Variants in UFL1 observed in about 807,000 individuals in gnomAD.
The protein encoded by UFL1 is E3 UFM1-protein ligase 1.
Under a neutral mutation model 99.3 loss-of-function variants are expected in UFL1, and 78 were observed. That is an observed-to-expected ratio of 0.79 (90% CI 0.65 to 0.95). UFL1 has a LOEUF of 0.95. UFL1 is among the 40% of genes least tolerant of loss of function. The pLI, the probability that UFL1 is intolerant of heterozygous loss-of-function variation, is 0.00. For missense variants in UFL1, 936 were observed against 937.0 expected (o/e 1.00, Z 0.01); for synonymous variants, 335 against 322.2 (o/e 1.04, Z -0.42).
At chr6:96,534,855 A>AT (rs58786719) in intron 7 of UFL1, among the ~76,000 whole-genome samples, 2,493 of 151,928 alleles carry the variant, frequency 0.016, 77 homozygotes, top group African/African-American at 0.057. Flanking sequence ...AAAAGCAATG[A>AT]TTTTGTCTTT....
chr6:96,537,649 G>A, intron 9 of UFL1, 100 bp downstream of exon 9: 1 of 1,178,364 alleles, frequency 8.5e-7, no homozygotes, highest in Non-Finnish European at 1.1e-6. Context: ...GGTGGTCTTG[G>A]CTTTGGAGGC....
Position 96,540,554 on chromosome 6 carries a change from T to C in UFL1, c.1178T>C (p.Val393Ala), listed in dbSNP as rs977627660. The C allele has an allele frequency of 1.2e-5, 19 of 1,605,082 alleles. No individual in the cohort carries two copies. The highest frequency in any genetic ancestry group is 1.6e-5 in the Non-Finnish European group (19 of 1,175,836). ...TTTTAGGAAATGAAAAATAATCCTG[T>C]GCATTTAATCACTGAAGAAGATCTG... Reference protein sequence around the residue: ...KAEKEMKNNPVHLITEEDLKQ... With the variant: ...KAEKEMKNNPAHLITEEDLKQ... The change falls in exon 11 of 19, where the codon GTG becomes GCG. Residue 393 changes from valine to alanine, a missense_variant. Physicochemically the swap from Val to Ala is moderately conservative, Grantham distance 64 (BLOSUM62 0). Transcript: ENST00000369278.
rs376405630 is a variant in UFL1 at position 96,542,864 on chromosome 6, T to C, written c.1280-30T>C. On this transcript the variant is annotated intron_variant, in intron 11 of 18. Coordinates refer to ENST00000369278, the MANE Select transcript of UFL1 (RefSeq NM_015323.5). Reference sequence around the variant, plus strand: ...TTATAAAAATGATGATTTAGTTAGGTAATGCTAACTAATGTCATTTTCCCA... The same window carrying C: ...TTATAAAAATGATGATTTAGTTAGGCAATGCTAACTAATGTCATTTTCCCA... The C allele has an allele frequency of 3.3e-6, 5 of 1,530,912 alleles. No homozygotes were observed. The African/African-American group carries it at 4.3e-5, about 13-fold the overall frequency. The allele number at this position is 1,530,912 out of a possible 1,614,324, so 94.8% of individuals were successfully genotyped here.
rs548167881 is a variant in UFL1 at position 96,537,384 on chromosome 6, T to C, written c.813T>C (p.Ala271=). 6.4e-7 allele frequency: 1 copy of C among 1,568,676 alleles called. No individual in the cohort carries two copies. The highest frequency in any genetic ancestry group is 1.4e-5 in the African/African-American group (1 of 71,690). The change falls in exon 9 of 19, where the codon GCT becomes GCC. Residue 271 remains alanine, a synonymous_variant. Coordinates refer to ENST00000369278, the MANE Select transcript of UFL1 (RefSeq NM_015323.5). The stretch of plus-strand genomic sequence containing the variant: ...GTGATATATTTGTAGAATTTGATGC[T>C]TTGTCCAGACTTGGAATCCCAGATG... ...FRQNGYLEFD[A]LSRLGIPDAV...
At chr6:96,548,079 A>T in intron 12 of UFL1, 85 bp from the exon 13 acceptor site, 1 of 820,424 alleles carries the variant, frequency 1.2e-6, no homozygotes, top group Non-Finnish European at 1.9e-6. Context: ...TTGTCTTACT[A>T]AATATAGTAA....
chr6:96,522,988 A>G, intron 1 of UFL1, 158 bp from the exon 2 acceptor site: 1 of 554,414 alleles, frequency 1.8e-6, no homozygotes, highest in Non-Finnish European at 2.9e-6. Flanking sequence ...GTTTTTTTTT[A>G]ACTTATTGAA....
In UFL1 at chr6:96,549,461, TCAA is replaced by T; in HGVS notation, c.1575_1577del (p.Thr526del). ...GGTGGTACGTTCAGTATTCATGTCT[TCAA>T]CAACTTCTGCTTCTGGGACGGGCAG... On this transcript the variant is annotated inframe_deletion, in exon 14 of 19. Coordinates refer to ENST00000369278, the MANE Select transcript of UFL1 (RefSeq NM_015323.5). 11 of 1,598,074 alleles carry T rather than the reference TCAA, an allele frequency of 6.9e-6. No individual in the cohort carries two copies. The highest frequency in any genetic ancestry group is 9.4e-6 in the Non-Finnish European group (11 of 1,175,548).
intron 10 of UFL1, 81 bp downstream of exon 10, chr6:96,538,891 T>TTC: frequency 8.1e-7 from 1 of 1,229,656 alleles, no homozygotes; most frequent in Non-Finnish European, 1.1e-6. Flanking sequence ...AAAAAGGGGA[T>TTC]AAGTGAAAGT....
At position 96,521,854 on chromosome 6, in the gene UFL1, C is replaced by T. The variant is rs1769614225; in HGVS notation, c.-20C>T. The T allele has an allele frequency of 1.9e-6, 3 of 1,608,582 alleles. No individual in the cohort carries two copies. The highest frequency in any genetic ancestry group is 2.5e-6 in the Non-Finnish European group (3 of 1,178,142). On this transcript the variant is annotated 5_prime_UTR_variant, in exon 1 of 19. Coordinates refer to ENST00000369278, the MANE Select transcript of UFL1 (RefSeq NM_015323.5). ...TGACGTGTCTGCAGTTCCTCCGCGT[C>T]TACTGCGAGTCAGGCCGTGATGGCG... is the stretch of plus-strand genomic sequence containing the variant.
intron 15 of UFL1, 71 bp from the exon 16 acceptor site, chr6:96,551,362 T>G: frequency 1.2e-6 from 1 of 818,948 alleles, no homozygotes; most frequent in East Asian, 2.9e-5. Context: ...TACAGTATTT[T>G]TTTCACTTTA....
intron 13 of UFL1, among the ~76,000 whole-genome samples, chr6:96,548,515 A>T (rs1385386665): frequency 6.6e-6 from 1 of 151,622 alleles, no homozygotes; most frequent in Non-Finnish European, 1.5e-5. Context: ...CAGGAGCGAG[A>T]AAGTGTCCTC....
At chr6:96,542,490 A>G (rs1769944636) in intron 11 of UFL1, among the ~76,000 whole-genome samples, 2 of 151,328 alleles carry the variant, frequency 1.3e-5, no homozygotes, top group Non-Finnish European at 3.0e-5. Context: ...AAGTCTTATA[A>G]TAGAAGGTTA....
chr6:96,548,235 G>A lies in UFL1; in HGVS notation c.1474G>A (p.Asp492Asn). 1 of 1,607,850 alleles carries A rather than the reference G, an allele frequency of 6.2e-7. No individual in the cohort carries two copies. Among genetic ancestry groups the A allele is most frequent in the Non-Finnish European group, 8.5e-7 (1 of 1,176,908 alleles). Residue 492 changes from aspartate (D) to asparagine (N), a missense_variant, in exon 13 of 19, where the codon GAT becomes AAT. Physicochemically the swap from Asp to Asn is conservative, Grantham distance 23. Transcript: ENST00000369278. ...IEDFLRKHIQ[D>N]APEEFISELA... ...AGATTTTTTAAGAAAACACATACAAGATGCCCCTGAGGAGTTTATTTCGGA... is the reference window on the plus strand; with the variant it reads ...AGATTTTTTAAGAAAACACATACAAAATGCCCCTGAGGAGTTTATTTCGGA...
At chr6:96,537,585 G>A in intron 9 of UFL1, 36 bp downstream of exon 9, 2 of 1,497,892 alleles carry the variant, frequency 1.3e-6, no homozygotes, top group Non-Finnish European at 1.8e-6. Context: ...TCTTTAAACA[G>A]TGACAACTGA....
intron 6 of UFL1, among the ~76,000 whole-genome samples, chr6:96,533,799 C>CAAAAA (rs5878435): frequency 8.8e-6 from 1 of 113,768 alleles, no homozygotes; most frequent in Non-Finnish European, 1.7e-5. Flanking sequence ...TACTCAAAAG[C>CAAAAA]AAAAAAAAAA....
At chr6:96,546,363 T>TAGA (rs1380402577) in intron 12 of UFL1, among the ~76,000 whole-genome samples, 2 of 150,080 alleles carry the variant, frequency 1.3e-5, no homozygotes, top group Non-Finnish European at 3.0e-5. Context: ...AAAGAAATCG[T>TAGA]AGATGACACA....
chr6:96,538,922 T>C (rs546910174), intron 10 of UFL1, 112 bp downstream of exon 10: 1 of 954,644 alleles, frequency 1.0e-6, no homozygotes, highest in East Asian at 2.7e-5. Context: ...TATCATTTAT[T>C]ATTTTCCTTT....
At chr6:96,532,002 T>G (rs979667095) in intron 6 of UFL1, among the ~76,000 whole-genome samples, 1 of 152,230 alleles carries the variant, frequency 6.6e-6, no homozygotes, top group Non-Finnish European at 1.5e-5. Flanking sequence ...TCTCTGACTT[T>G]TAAAAAGTTT....
At chr6:96,524,168 A>T (rs892487885) in intron 2 of UFL1, among the ~76,000 whole-genome samples, 17 of 136,168 alleles carry the variant, frequency 1.2e-4, no homozygotes, top group East Asian at 4.2e-4. Context: ...GATGTTATTT[A>T]AAAAAAAAAA....
Sources: gnomAD v4.1 joint callset for allele counts (sites outside exome capture counted in the v4.1 genomes callset) on GRCh38, gnomAD v4.1.1 for gene constraint, MANE v1.5 for transcripts, NCBI Gene and HGNC (gene_info 2026-07-23, HGNC 2026-07-21) for gene names.